Variants in PDZRN3 observed in about 807,000 individuals in gnomAD.
PDZRN3 encodes the protein E3 ubiquitin-protein ligase PDZRN3.
A neutral mutation model predicts 85.7 loss-of-function variants in PDZRN3; 38 were observed. The observed-to-expected ratio is 0.44, with a 90% CI of 0.34 to 0.58. The LOEUF (loss-of-function observed/expected upper bound fraction) is 0.58, where lower values mean the gene tolerates loss of function less well. Among genes scored for constraint, PDZRN3 ranks in the 20% least tolerant of loss-of-function variants. The pLI, the probability that PDZRN3 is intolerant of heterozygous loss-of-function variation, is 0.01. For synonymous variants in PDZRN3, 759 were observed against 638.0 expected (o/e 1.19, Z -2.86); for missense variants, 1,629 against 1,506.4 (o/e 1.08, Z -1.35).
intron 3 of PDZRN3, among the ~76,000 whole-genome samples, chr3:73,493,966 T>C (rs994652281): frequency 2.6e-5 from 4 of 152,208 alleles, no homozygotes; most frequent in African/African-American, 9.7e-5. Flanking sequence ...GCTAAGTAAA[T>C]TGAAAGAGAC....
chr3:73,600,999 T>C (rs1038247500), intron 3 of PDZRN3, among the ~76,000 whole-genome samples: 7 of 152,182 alleles, frequency 4.6e-5, no homozygotes, highest in Admixed American at 4.6e-4. Flanking sequence ...ATATTAATAA[T>C]GTCCTTAAAA....
At chr3:73,468,545 G>A (rs1432665241) in intron 3 of PDZRN3, among the ~76,000 whole-genome samples, 1 of 151,726 alleles carries the variant, frequency 6.6e-6, no homozygotes, top group Admixed American at 6.6e-5. Context: ...AATGCTTAAT[G>A]TTTGAACAGA....
At chr3:73,430,173 A>C (rs1702402471) in intron 3 of PDZRN3, among the ~76,000 whole-genome samples, 1 of 152,234 alleles carries the variant, frequency 6.6e-6, no homozygotes, top group South Asian at 2.1e-4. Flanking sequence ...TAGGGATGAC[A>C]GTATCACCTA....
chr3:73,613,161 G>A (rs1702709841), intron 1 of PDZRN3, among the ~76,000 whole-genome samples: 1 of 152,116 alleles, frequency 6.6e-6, no homozygotes, highest in Admixed American at 6.5e-5. Context: ...CACATTTTAG[G>A]GGACCAGTGG....
chr3:73,428,801 G>C (rs1278308040), intron 3 of PDZRN3, among the ~76,000 whole-genome samples: 1 of 152,084 alleles, frequency 6.6e-6, no homozygotes, highest in African/African-American at 2.4e-5. Context: ...ACAAATAACG[G>C]CCATGTATTA....
At chr3:73,448,780 G>A (rs774497405) in intron 3 of PDZRN3, among the ~76,000 whole-genome samples, 3 of 152,168 alleles carry the variant, frequency 2.0e-5, no homozygotes, top group Non-Finnish European at 2.9e-5. Context: ...TACCCCTGAG[G>A]ATATTCACAG....
intron 6 of PDZRN3, among the ~76,000 whole-genome samples, chr3:73,390,635 A>AATGTGTGTGTG (rs1553683086): frequency 7.2e-6 from 1 of 139,464 alleles, no homozygotes; most frequent in African/African-American, 2.7e-5. Context: ...AGAAAAAAAA[A>AATGTGTGTGTG]TGTGTGTGTG....
At chr3:73,428,065 G>A (rs532594939) in intron 3 of PDZRN3, among the ~76,000 whole-genome samples, 15 of 152,266 alleles carry the variant, frequency 9.9e-5, no homozygotes, top group Admixed American at 9.2e-4. Flanking sequence ...GGAATAAGGT[G>A]GGTTCTGGGT....
chr3:73,418,713 A>T (rs971138861), intron 3 of PDZRN3, among the ~76,000 whole-genome samples: 2 of 152,036 alleles, frequency 1.3e-5, no homozygotes, highest in African/African-American at 4.8e-5. Context: ...TCCTGACTTC[A>T]TTTTCTTGTT....
At chr3:73,578,533 T>C (rs1702156260) in intron 3 of PDZRN3, among the ~76,000 whole-genome samples, 1 of 152,036 alleles carries the variant, frequency 6.6e-6, no homozygotes, top group South Asian at 2.1e-4. Context: ...GAAAAGGAAA[T>C]TAAAGATTCC....
chr3:73,569,925 T>C (rs962843851), intron 3 of PDZRN3, among the ~76,000 whole-genome samples: 11 of 152,178 alleles, frequency 7.2e-5, no homozygotes, highest in Non-Finnish European at 1.6e-4. Context: ...GGGCTGTTTT[T>C]AGGATAAAAG....
chr3:73,614,486 G>T (rs942580498), intron 1 of PDZRN3, among the ~76,000 whole-genome samples: 1 of 152,196 alleles, frequency 6.6e-6, no homozygotes, highest in African/African-American at 2.4e-5. Flanking sequence ...AATGATGTCT[G>T]TTGTGGGACT....
chr3:73,515,945 G>T (rs1559717851), intron 3 of PDZRN3, among the ~76,000 whole-genome samples: 1 of 152,166 alleles, frequency 6.6e-6, no homozygotes, highest in Non-Finnish European at 1.5e-5. Flanking sequence ...TATCCTTTCA[G>T]ATAAAAGCAT....
chr3:73,418,882 C>T (rs1480714290), intron 3 of PDZRN3, among the ~76,000 whole-genome samples: 4 of 152,204 alleles, frequency 2.6e-5, no homozygotes, highest in African/African-American at 9.6e-5. Context: ...TATATTCCAG[C>T]TCAGCAAGCT....
intron 3 of PDZRN3, among the ~76,000 whole-genome samples, chr3:73,428,782 C>G (rs746690201): frequency 6.6e-6 from 1 of 152,016 alleles, no homozygotes; most frequent in Non-Finnish European, 1.5e-5. Flanking sequence ...AAGAAAACAA[C>G]AGTTAGTGAC....
chr3:73,508,727 T>C (rs886162179), intron 3 of PDZRN3, among the ~76,000 whole-genome samples: 1 of 152,182 alleles, frequency 6.6e-6, no homozygotes, highest in Non-Finnish European at 1.5e-5. Context: ...TCTCCAGAAA[T>C]GTAAACGTGG....
chr3:73,501,452 C>CAAT (rs1055342847), intron 3 of PDZRN3, among the ~76,000 whole-genome samples: 39 of 152,322 alleles, frequency 2.6e-4, no homozygotes, highest in African/African-American at 8.2e-4. Flanking sequence ...TTTCCCTATA[C>CAAT]AGGCCACTGT....
chr3:73,621,707 G>C (rs879581391), intron 1 of PDZRN3: 3 of 152,190 alleles, frequency 2.0e-5, no homozygotes, highest in Non-Finnish European at 4.4e-5. Flanking sequence ...TTCTGGGCCA[G>C]ACCATCCTTT....
Position 73,438,941 on chromosome 3 carries a change from G to A in PDZRN3, c.919-34546C>T, listed in dbSNP as rs373954458. The stretch of plus-strand genomic sequence containing the variant: ...GGGTCAGGTTCCTTCACACCTCCAC[G>A]TCTACACATAGGCCATGACCTCTGC... On this transcript the variant is annotated intron_variant, in intron 3 of 9. Coordinates refer to ENST00000263666, the MANE Select transcript of PDZRN3 (RefSeq NM_015009.3). Among the ~76,000 whole-genome samples the A allele has an allele frequency of 6.6e-5, 10 of 152,168 alleles. No homozygotes were observed. The East Asian group carries it at 9.7e-4, about 15-fold the overall frequency.
Sources: allele counts gnomAD v4.1 joint callset (sites outside exome capture counted in the v4.1 genomes callset), GRCh38; gene constraint gnomAD v4.1.1; transcripts MANE v1.5; gene names NCBI Gene and HGNC (gene_info 2026-07-23, HGNC 2026-07-21).